NHSL1: variants seen among roughly 807,000 people sequenced by gnomAD.
The protein encoded by NHSL1 is NHS-like protein 1.
In NHSL1, 48 loss-of-function variants were observed where a neutral mutation model predicts 95.0. That is an observed-to-expected ratio of 0.51 (90% CI 0.40 to 0.64). The LOEUF (loss-of-function observed/expected upper bound fraction) is 0.64. Ranked by LOEUF, NHSL1 falls within the 30% of genes least tolerant of loss-of-function variation. The pLI is 0.00. For synonymous variants in NHSL1, 783 were observed against 833.9 expected, an observed-to-expected ratio of 0.94 and a Z score of 1.05; for missense variants, 1,971 against 2,077.7, an observed-to-expected ratio of 0.95 and a Z score of 1.00.
intron 1 of NHSL1, among the ~76,000 whole-genome samples, chr6:138,672,774 T>G (rs1785389974): frequency 6.6e-6 from 1 of 152,198 alleles, no homozygotes; most frequent in Non-Finnish European, 1.5e-5. Flanking sequence ...ATCTCAGCAC[T>G]TTGGGAGGCC....
chr6:138,560,301 C>A, intron 1 of NHSL1, among the ~76,000 whole-genome samples: 1 of 152,290 alleles, frequency 6.6e-6, no homozygotes, highest in Non-Finnish European at 1.5e-5. Flanking sequence ...TGATCCAAAG[C>A]AATGTCGAAA....
chr6:138,641,072 C>T (rs945483302), intron 1 of NHSL1, among the ~76,000 whole-genome samples: 1 of 152,224 alleles, frequency 6.6e-6, no homozygotes, highest in Non-Finnish European at 1.5e-5. Flanking sequence ...TCTTGCCCCC[C>T]TTAGTTGAGG....
chr6:138,569,031 C>A (rs1783721182), intron 1 of NHSL1, among the ~76,000 whole-genome samples: 1 of 152,176 alleles, frequency 6.6e-6, no homozygotes, highest in Non-Finnish European at 1.5e-5. Flanking sequence ...GCTCAGCAGG[C>A]TAATGGTGCA....
chr6:138,565,308 T>C (rs1393897166), intron 1 of NHSL1, among the ~76,000 whole-genome samples: 2 of 152,142 alleles, frequency 1.3e-5, no homozygotes, highest in Non-Finnish European at 2.9e-5. Flanking sequence ...GGTTTCACCA[T>C]GTTGGCCAGG....
At position 138,446,996 on chromosome 6, in the gene NHSL1, C is replaced by A; in HGVS notation, c.532+5G>T. ...TTCTGAACCTGTCTGGCTAGCAAAG[C>A]GTACCAGTTATGTTAATAGGCACCA... On this transcript the variant is annotated splice_donor_5th_base_variant and intron_variant, in intron 4 of 7. Coordinates refer to ENST00000343505, the MANE Select transcript of NHSL1 (RefSeq NM_001144060.2). 1.3e-6 allele frequency: 2 copies of A among 1,551,446 alleles called. No individual in the cohort carries two copies. Among genetic ancestry groups the A allele is most frequent in the Admixed American group, 2.0e-5 (1 of 51,000 alleles).
chr6:138,496,079 T>A, intron 2 of NHSL1, 140 bp downstream of exon 2: 1 of 935,630 alleles, frequency 1.1e-6, no homozygotes, highest in Non-Finnish European at 1.6e-6. Context: ...ATGTATTAGG[T>A]TGTATTTATG....
chr6:138,606,963 G>A (rs7762725), intron 1 of NHSL1, among the ~76,000 whole-genome samples: 3,755 of 152,036 alleles, frequency 0.025, 153 homozygotes, highest in African/African-American at 0.086. Flanking sequence ...TCAGCCTCCT[G>A]AAAGTGCTGG....
In NHSL1 at chr6:138,424,253, C is replaced by T; in HGVS notation, c.4649G>A (p.Cys1550Tyr). 1 of 1,503,068 alleles carries T rather than the reference C, an allele frequency of 6.7e-7. No individual in the cohort carries two copies. Among genetic ancestry groups the T allele is most frequent in the Non-Finnish European group, 8.9e-7 (1 of 1,124,590 alleles). 93.1% of individuals were successfully genotyped at this position (1,503,068 alleles called of 1,614,324 possible). ...ARGALGAAEG[C>Y]SLDGLAREEM... ...CTCCCTCGCCAGTCCGTCCAGGGAACATCCCTCCGCAGCGCCCAGAGCCCC... is the reference window on the plus strand; with the variant it reads ...CTCCCTCGCCAGTCCGTCCAGGGAATATCCCTCCGCAGCGCCCAGAGCCCC... Residue 1550 changes from cysteine to tyrosine, a missense_variant, in exon 8 of 8, where the codon TGT becomes TAT. Cys to Tyr is a radical substitution (Grantham distance 194). Transcript: ENST00000343505. The surrounding 1 kb of genome is among the most constrained non-coding windows in gnomAD (Gnocchi z 5.9).
At chr6:138,450,266 C>T (rs770987856) in intron 3 of NHSL1, among the ~76,000 whole-genome samples, 1 of 152,146 alleles carries the variant, frequency 6.6e-6, no homozygotes, top group Non-Finnish European at 1.5e-5. Context: ...GGCCACATGT[C>T]TGAGTTTGAA....
At chr6:138,568,268 G>A (rs1369638525) in intron 1 of NHSL1, among the ~76,000 whole-genome samples, 1 of 152,110 alleles carries the variant, frequency 6.6e-6, no homozygotes, top group East Asian at 1.9e-4. Flanking sequence ...TAACCCCCCT[G>A]CTTTAGATGT....
At chr6:138,465,046 T>G (rs1436671038) in intron 3 of NHSL1, among the ~76,000 whole-genome samples, 1 of 135,464 alleles carries the variant, frequency 7.4e-6, no homozygotes, top group Non-Finnish European at 1.5e-5. Context: ...AAGCAATATG[T>G]ATGCCTTCAA....
At position 138,432,791 on chromosome 6, in the gene NHSL1, A is replaced by T. The variant is rs1335177890; in HGVS notation, c.1554T>A (p.Tyr518Ter). ...GGAAGGCCAGGTTGTTTCTACAATT[A>T]TACGGCATAGCTTGGGACCCATTCT... ...NRENGSQAMPYNCRNNLAFPA... is the reference protein window; with the variant it reads ...NRENGSQAMP Residue 518 changes from tyrosine (Y) to a stop codon, truncating the protein, a stop_gained, in exon 6 of 8, where the codon TAT (tyrosine) becomes TAA (stop). Coordinates refer to ENST00000343505, the MANE Select transcript of NHSL1 (RefSeq NM_001144060.2). LOFTEE classifies it high-confidence loss of function. This position sits in a 1 kb window ranked among gnomAD's most constrained non-coding sequence, Gnocchi z 4.4. 2 of 1,551,692 alleles carry T rather than the reference A, an allele frequency of 1.3e-6. No homozygotes were observed. The highest frequency in any genetic ancestry group is 1.7e-6 in the Non-Finnish European group (2 of 1,146,996).
intron 1 of NHSL1, among the ~76,000 whole-genome samples, chr6:138,686,293 G>A (rs1053373455): frequency 6.6e-6 from 1 of 152,244 alleles, no homozygotes; most frequent in South Asian, 2.1e-4. Flanking sequence ...AGGCCAAAAC[G>A]GGCAGATGCT....
At chr6:138,425,789 A>G (rs1255064961) in intron 7 of NHSL1, among the ~76,000 whole-genome samples, 3 of 152,158 alleles carry the variant, frequency 2.0e-5, no homozygotes, top group African/African-American at 7.2e-5. Flanking sequence ...CCGTCAGACC[A>G]GTCTTCCTCA....
At chr6:138,512,922 G>A (rs1013145165) in intron 1 of NHSL1, among the ~76,000 whole-genome samples, 3 of 152,160 alleles carry the variant, frequency 2.0e-5, no homozygotes, top group African/African-American at 7.2e-5. Context: ...CACAACTAAT[G>A]TGTTTCTTCC....
intron 5 of NHSL1, among the ~76,000 whole-genome samples, chr6:138,434,873 C>T (rs959487559): frequency 1.3e-5 from 2 of 152,136 alleles, no homozygotes; most frequent in Non-Finnish European, 2.9e-5. Flanking sequence ...GAGGGTAGTA[C>T]TGAAATGGCA....
intron 5 of NHSL1, among the ~76,000 whole-genome samples, chr6:138,434,658 T>C (rs1775955126): frequency 6.6e-6 from 1 of 152,180 alleles, no homozygotes; most frequent in Non-Finnish European, 1.5e-5. Context: ...TCTCCCTATG[T>C]TATCTCCATC....
chr6:138,657,630 G>A (rs559804611), intron 1 of NHSL1, among the ~76,000 whole-genome samples: 4 of 151,894 alleles, frequency 2.6e-5, no homozygotes, highest in South Asian at 2.1e-4. Context: ...TGGCTAACAC[G>A]GTGAAACCCC....
intron 1 of NHSL1, among the ~76,000 whole-genome samples, chr6:138,628,729 C>T (rs1168669566): frequency 6.6e-6 from 1 of 152,190 alleles, no homozygotes; most frequent in African/African-American, 2.4e-5. Flanking sequence ...ACCTGGGTGA[C>T]AGAGTAAGAC....
Sources: gnomAD v4.1 joint callset for allele counts (sites outside exome capture counted in the v4.1 genomes callset) on GRCh38, gnomAD v4.1.1 for gene constraint, Gnocchi (gnomAD v3.1) non-coding constraint, MANE v1.5 for transcripts, NCBI Gene and HGNC (gene_info 2026-07-23, HGNC 2026-07-21) for gene names.